Variants in DNAH14 observed in about 807,000 individuals in gnomAD.
The protein encoded by DNAH14 is dynein axonemal heavy chain 14.
Under a neutral mutation model 520.9 loss-of-function variants are expected in DNAH14, and 478 were observed. That is an observed-to-expected ratio of 0.92 (90% CI 0.85 to 0.99). DNAH14 has a LOEUF of 0.99. Ranked by LOEUF, DNAH14 falls within the 50% of genes least tolerant of loss-of-function variation. The pLI is 0.00. For synonymous variants in DNAH14, 1,581 were observed against 1,757.2 expected, an observed-to-expected ratio of 0.90 and a Z score of 2.51; for missense variants, 4,831 against 5,234.5, an observed-to-expected ratio of 0.92 and a Z score of 2.38.
At chr1:225,316,237 T>G (rs1051350491) in intron 60 of DNAH14, among the ~76,000 whole-genome samples, 1 of 152,210 alleles carries the variant, frequency 6.6e-6, no homozygotes, top group African/African-American at 2.4e-5. Flanking sequence ...TTCTTCAGAC[T>G]GCTGTGCTGG....
intron 22 of DNAH14, 22 bp from the exon 23 acceptor site, chr1:225,100,691 A>C: frequency 6.8e-7 from 1 of 1,464,136 alleles, no homozygotes; most frequent in Non-Finnish European, 9.0e-7. Flanking sequence ...AAATAAAATG[A>C]CATCTAATTT....
At chr1:225,283,586 T>C (rs1337172893) in intron 54 of DNAH14, among the ~76,000 whole-genome samples, 1 of 152,178 alleles carries the variant, frequency 6.6e-6, no homozygotes, top group African/African-American at 2.4e-5. Context: ...CAATAATAGT[T>C]GGACACTTCA....
At position 225,061,500 on chromosome 1, in the gene DNAH14, C is replaced by T. The variant is rs191265081; in HGVS notation, c.2424+9705C>T. 6.6e-5 allele frequency among the ~76,000 whole-genome samples: 10 copies of T among 152,330 alleles called. No homozygotes were observed. The East Asian group carries it at 1.2e-3, about 18-fold the overall frequency. ...GCCTCACTCTGCTTTGGCTCATGCT[C>T]GGTGCGCAGCACCCACTGTCCTGCA... On this transcript the variant is annotated intron_variant, in intron 17 of 85. Transcript: ENST00000682510.
At chr1:225,311,686 A>T (rs543529936) in intron 60 of DNAH14, among the ~76,000 whole-genome samples, 25 of 150,816 alleles carry the variant, frequency 1.7e-4, no homozygotes, top group Admixed American at 3.3e-4. Flanking sequence ...AATTTTCCCA[A>T]CACTATTAAA....
rs576458397 is a variant in DNAH14 at position 225,185,148 on chromosome 1, A to T, written c.5536-143A>T. On this transcript the variant is annotated intron_variant, in intron 36 of 85. Transcript: ENST00000682510. The stretch of plus-strand genomic sequence containing the variant: ...TCAGTAGCATTTCTATACACCAATA[A>T]CATTCATGCTGAGAGCCAAATAAAG... The T allele has an allele frequency of 4.5e-5, 39 of 864,892 alleles. No homozygotes were observed. The South Asian group carries it at 9.1e-4, about 20-fold the overall frequency. The allele number at this position is 864,892 out of a possible 1,614,324, so 53.6% of individuals were successfully genotyped here. A position where few individuals can be genotyped will look rare whatever the true frequency, so the allele number is the denominator to read the frequency against.
At chr1:225,162,874 C>A (rs1027598513) in intron 35 of DNAH14, among the ~76,000 whole-genome samples, 4 of 151,922 alleles carry the variant, frequency 2.6e-5, no homozygotes, top group African/African-American at 4.8e-5. Flanking sequence ...TGGTGGCTCA[C>A]ACCTGTAATC....
chr1:225,083,291 T>C (rs1168568013), intron 20 of DNAH14, among the ~76,000 whole-genome samples: 1 of 141,148 alleles, frequency 7.1e-6, no homozygotes, highest in East Asian at 2.1e-4. Context: ...TAATGTTTCA[T>C]GGCTGACAAC....
chr1:225,082,753 G>T lies in DNAH14; in HGVS notation c.3327+14G>T, dbSNP rs139670711. On this transcript the variant is annotated intron_variant, in intron 20 of 85. Transcript: ENST00000682510. ...CTAGCTCTCAAGGTAAATAAAAATG[G>T]TTTTTTAAAAAAATAGGTTGAAATA... 0.016 allele frequency: 24,186 copies of T among 1,530,558 alleles called. 232 individuals carry two copies. Among genetic ancestry groups the T allele is most frequent in the Non-Finnish European group, 0.018 (20,344 of 1,141,332 alleles). The allele number at this position is 1,530,558 out of a possible 1,614,324, so 94.8% of individuals were successfully genotyped here. A position where few individuals can be genotyped will look rare whatever the true frequency, so the allele number is the denominator to read the frequency against.
intron 41 of DNAH14, among the ~76,000 whole-genome samples, chr1:225,218,410 C>T (rs945494121): frequency 5.3e-5 from 8 of 151,690 alleles, no homozygotes; most frequent in South Asian, 2.1e-4. Flanking sequence ...TTCAGGAGAC[C>T]CATCTCATGT....
At chr1:225,127,494 G>T (rs749053070) in intron 27 of DNAH14, among the ~76,000 whole-genome samples, 11 of 152,126 alleles carry the variant, frequency 7.2e-5, no homozygotes, top group Middle Eastern at 3.4e-3. Flanking sequence ...ATCTTTGTTG[G>T]TTTAAATTCT....
intron 7 of DNAH14, chr1:224,969,432 A>G (rs1291221862): frequency 1.3e-5 from 2 of 158,536 alleles, no homozygotes; most frequent in Non-Finnish European, 2.8e-5. Flanking sequence ...ATCAATTAAC[A>G]TGTTTTGTCT....
intron 1 of DNAH14, among the ~76,000 whole-genome samples, chr1:224,933,294 TGA>T (rs1379751826): frequency 1.3e-5 from 2 of 152,160 alleles, no homozygotes; most frequent in Non-Finnish European, 2.9e-5. Flanking sequence ...GCAGCTTTAC[TGA>T]ATTCATCTAT....
At chr1:225,147,350 C>A in intron 31 of DNAH14, 101 bp downstream of exon 31, 2 of 1,231,156 alleles carry the variant, frequency 1.6e-6, no homozygotes, top group Non-Finnish European at 1.0e-6. Context: ...GTGTTTAGGT[C>A]TTTGGGGTGT....
intron 79 of DNAH14, among the ~76,000 whole-genome samples, chr1:225,379,918 G>A (rs1469979305): frequency 3.3e-5 from 5 of 152,080 alleles, no homozygotes; most frequent in African/African-American, 1.2e-4. Flanking sequence ...ATCAGATCAG[G>A]GCAATTCATA....
chr1:225,259,378 G>A, intron 46 of DNAH14, 125 bp downstream of exon 46: 1 of 672,110 alleles, frequency 1.5e-6, no homozygotes, highest in South Asian at 4.9e-5. Flanking sequence ...TTCAAAAGAG[G>A]AGATAAGAAG....
At position 225,102,661 on chromosome 1, in the gene DNAH14, A is replaced by C. The variant is rs554486769; in HGVS notation, c.3867+1777A>C. Among the ~76,000 whole-genome samples, 186 of 151,756 alleles carry C rather than the reference A, an allele frequency of 1.2e-3. 1 individual carries two copies. The highest frequency in any genetic ancestry group is 6.2e-3 in the South Asian group (30 of 4,816). ...GGCCAGTGATGATGAGCATTTTTTC[A>C]TGTGTATTTGGCTGCATAAATGTCT... On this transcript the variant is annotated intron_variant, in intron 23 of 85. Coordinates refer to ENST00000682510, the MANE Select transcript of DNAH14 (RefSeq NM_001367479.1).
intron 7 of DNAH14, among the ~76,000 whole-genome samples, chr1:224,972,800 A>T (rs962596790): frequency 6.6e-6 from 1 of 152,098 alleles, no homozygotes; most frequent in African/African-American, 2.4e-5. Flanking sequence ...TTTTTCTTAG[A>T]TCACTATATT....
chr1:225,274,194 GTTA>G (rs1558232032), intron 52 of DNAH14, among the ~76,000 whole-genome samples: 4 of 120,350 alleles, frequency 3.3e-5, no homozygotes, highest in East Asian at 2.7e-4. Flanking sequence ...ACCAGCATCT[GTTA>G]TTTTTTTTTT....
chr1:225,291,736 T>C (rs1306755871), intron 55 of DNAH14, among the ~76,000 whole-genome samples: 2 of 152,164 alleles, frequency 1.3e-5, no homozygotes, highest in African/African-American at 4.8e-5. Context: ...CACCATCATT[T>C]GCTATTTTTT....
Sources: gnomAD v4.1 joint callset for allele counts (sites outside exome capture counted in the v4.1 genomes callset) on GRCh38, gnomAD v4.1.1 for gene constraint, MANE v1.5 for transcripts, NCBI Gene and HGNC (gene_info 2026-07-23, HGNC 2026-07-21) for gene names.